The following CCDC85C variants were observed in gnomAD, a reference collection of about 807,000 sequenced individuals.
CCDC85C encodes coiled-coil domain-containing protein 85C.
In CCDC85C, 18 loss-of-function variants were observed where a neutral mutation model predicts 38.3. The ratio of observed to expected loss-of-function variants is 0.47; its 90% CI spans 0.33 to 0.70. CCDC85C has a LOEUF of 0.70. Ranked by LOEUF, CCDC85C falls within the 30% of genes least tolerant of loss-of-function variation. The pLI is 0.03. For missense variants in CCDC85C, 566 were observed against 621.2 expected (o/e 0.91, Z 0.94); for synonymous variants, 264 against 293.8 (o/e 0.90, Z 1.04).
At position 99,504,041 on chromosome 14, in the gene CCDC85C, A is replaced by G. The variant is rs932969657; in HGVS notation, c.*11205T>C. 1.1e-5 allele frequency: 4 copies of G among 371,118 alleles called. No individual in the cohort carries two copies. In the Admixed American group the frequency reaches 1.1e-4, roughly 10 times the overall value. 23.0% of individuals were successfully genotyped at this position (371,118 alleles called of 1,614,324 possible). On this transcript the variant is annotated 3_prime_UTR_variant, in exon 6 of 6. Coordinates refer to ENST00000380243, the MANE Select transcript of CCDC85C (RefSeq NM_001144995.2). ...GTAGGGGGTGGTGTGCTGCCCGGAC[A>G]GCACCAGCCCGGCCCAGCCCAGCTG... is the stretch of plus-strand genomic sequence containing the variant.
rs111754976 is a variant in CCDC85C at position 99,544,489 on chromosome 14, GGTGTGTGTGTGTGTGT to G, written c.794-8417_794-8402del. ...ATAAAAACAGGGCTAAAATTTGAAG[GGTGTGTGTGTGTGTGT>G]GTGTGTGTGTGTCTGTGTGTCTGTG... On this transcript the variant is annotated intron_variant, in intron 1 of 5. Transcript: ENST00000380243. The surrounding 1 kb of genome is among the most constrained non-coding windows in gnomAD (Gnocchi z 5.3). 6.8e-6 allele frequency among the ~76,000 whole-genome samples: 1 copy of G among 147,920 alleles called. No individual in the cohort carries two copies. The highest frequency in any genetic ancestry group is 1.5e-5 in the Non-Finnish European group (1 of 66,514).
intron 1 of CCDC85C, among the ~76,000 whole-genome samples, chr14:99,600,528 C>T (rs182940596): frequency 7.9e-5 from 12 of 152,318 alleles, no homozygotes; most frequent in Admixed American, 6.5e-4. Flanking sequence ...TTAACAGTAA[C>T]AGCAAACATG....
At position 99,578,047 on chromosome 14, in the gene CCDC85C, C is replaced by G. The variant is rs80249888; in HGVS notation, c.793+25120G>C. ...ATACAGCCCATCCTATATCCCCCATCAGAGTGTGTGTGTGTGTACACATCT... is the reference window on the plus strand; with the variant it reads ...ATACAGCCCATCCTATATCCCCCATGAGAGTGTGTGTGTGTGTACACATCT... On this transcript the variant is annotated intron_variant, in intron 1 of 5. Coordinates refer to ENST00000380243, the MANE Select transcript of CCDC85C (RefSeq NM_001144995.2). Among the ~76,000 whole-genome samples the G allele has an allele frequency of 3.3e-3, 436 of 132,112 alleles. 13 individuals are homozygous for G. Among genetic ancestry groups the G allele is most frequent in the African/African-American group, 0.013 (408 of 31,082 alleles). The allele number at this position is 132,112 out of a possible 152,430, so 86.7% of individuals were successfully genotyped here. A position where few individuals can be genotyped will look rare whatever the true frequency, so the allele number is the denominator to read the frequency against.
rs1014163768 is a variant in CCDC85C, at chr14:99,576,920, C to T, written c.793+26247G>A. ...GCCTTCAGCACAGCTCCTACCCACA[C>T]CCACTGCTGAGCTCTCCCTCGCCCC... On this transcript the variant is annotated intron_variant, in intron 1 of 5. Coordinates refer to ENST00000380243, the MANE Select transcript of CCDC85C (RefSeq NM_001144995.2). The surrounding 1 kb of genome is among the most constrained non-coding windows in gnomAD (Gnocchi z 4.8). Among the ~76,000 whole-genome samples, 1 of 151,984 alleles carries T rather than the reference C, an allele frequency of 6.6e-6. No homozygotes were observed. The highest frequency in any genetic ancestry group is 2.4e-5 in the African/African-American group (1 of 41,378).
At chr14:99,596,500 C>T (rs1566786111) in intron 1 of CCDC85C, among the ~76,000 whole-genome samples, 1 of 152,240 alleles carries the variant, frequency 6.6e-6, no homozygotes, top group Non-Finnish European at 1.5e-5. Flanking sequence ...GATCTTTCTG[C>T]TCTGCTCCCC....
rs1897585727 is a variant in CCDC85C, at chr14:99,535,841, G to C, written c.867+174C>G. Among the ~76,000 whole-genome samples, 1 of 152,188 alleles carries C rather than the reference G, an allele frequency of 6.6e-6. No homozygotes were observed. Among genetic ancestry groups the C allele is most frequent in the Non-Finnish European group, 1.5e-5 (1 of 68,034 alleles). On this transcript the variant is annotated intron_variant, in intron 2 of 5. Coordinates refer to ENST00000380243, the MANE Select transcript of CCDC85C (RefSeq NM_001144995.2). This position sits in a 1 kb window ranked among gnomAD's most constrained non-coding sequence, Gnocchi z 5.5. ...GGAAGGTTGGGCAGAGGGAAGCCCA[G>C]AGGTGTGGGAGCCAGGGTTAGGTCC...
intron 1 of CCDC85C, among the ~76,000 whole-genome samples, chr14:99,591,427 AGGCTGCCAC>A (rs369530802): frequency 4.6e-5 from 7 of 151,716 alleles, no homozygotes; most frequent in East Asian, 1.9e-4. Context: ...GGGGCTGCGG[AGGCTGCCAC>A]GGCTCCCACG....
Position 99,520,610 on chromosome 14 carries a change from G to A in CCDC85C, c.975+1523C>T, listed in dbSNP as rs924084468. Reference sequence around the variant, plus strand: ...TCCCACTCCTGGGGGCCTGCCCGCCGACCAGCCCTGATCATGGCCCCTGAA... The same window carrying A: ...TCCCACTCCTGGGGGCCTGCCCGCCAACCAGCCCTGATCATGGCCCCTGAA... On this transcript the variant is annotated intron_variant, in intron 3 of 5. Coordinates refer to ENST00000380243, the MANE Select transcript of CCDC85C (RefSeq NM_001144995.2). This position sits in a 1 kb window ranked among gnomAD's most constrained non-coding sequence, Gnocchi z 4.1. Among the ~76,000 whole-genome samples, 13 of 151,790 alleles carry A rather than the reference G, an allele frequency of 8.6e-5. No individual in the cohort carries two copies. Among genetic ancestry groups the A allele is most frequent in the Non-Finnish European group, 1.5e-4 (10 of 67,906 alleles).
chr14:99,559,288 G>T (rs116852345), intron 1 of CCDC85C, among the ~76,000 whole-genome samples: 1,791 of 152,088 alleles, frequency 0.012, 15 homozygotes, highest in Non-Finnish European at 0.018. Context: ...CCAAAAATGT[G>T]AGAGAACAAA....
At position 99,558,737 on chromosome 14, in the gene CCDC85C, G is replaced by A. The variant is rs754125909; in HGVS notation, c.794-22649C>T. Among the ~76,000 whole-genome samples the A allele has an allele frequency of 1.8e-4, 28 of 152,236 alleles. No individual in the cohort carries two copies. The highest frequency in any genetic ancestry group is 3.4e-4 in the Non-Finnish European group (23 of 68,048). ...TGGAAAGAAAGGCAGACATGGGAGA[G>A]ATGAGGCCACAAGCCAAGGAACACC... On this transcript the variant is annotated intron_variant, in intron 1 of 5. Coordinates refer to ENST00000380243, the MANE Select transcript of CCDC85C (RefSeq NM_001144995.2). The surrounding 1 kb of genome is among the most constrained non-coding windows in gnomAD (Gnocchi z 4.2).
intron 1 of CCDC85C, among the ~76,000 whole-genome samples, chr14:99,550,798 G>A (rs919448605): frequency 3.9e-5 from 6 of 152,288 alleles, no homozygotes; most frequent in South Asian, 2.1e-4. Flanking sequence ...AGGCCTGCAC[G>A]CTGCCCTCTG....
intron 3 of CCDC85C, among the ~76,000 whole-genome samples, chr14:99,521,519 C>G (rs889358012): frequency 1.3e-5 from 2 of 152,168 alleles, no homozygotes; most frequent in Non-Finnish European, 2.9e-5. Flanking sequence ...CGAGAACAGC[C>G]GATGCTTCCC....
chr14:99,594,630 G>A (rs1017323603), intron 1 of CCDC85C, among the ~76,000 whole-genome samples: 7 of 152,230 alleles, frequency 4.6e-5, no homozygotes, highest in Non-Finnish European at 1.0e-4. Context: ...AGGATGGGCA[G>A]GGGAGGCCAC....
At chr14:99,521,888 CAG>C (rs1053756224) in intron 3 of CCDC85C, among the ~76,000 whole-genome samples, 5 of 152,236 alleles carry the variant, frequency 3.3e-5, no homozygotes, top group Non-Finnish European at 7.3e-5. Context: ...CTCAGAGGGA[CAG>C]GGGCTAGGCA....
intron 1 of CCDC85C, among the ~76,000 whole-genome samples, chr14:99,567,757 G>A (rs1177363304): frequency 6.6e-6 from 1 of 152,108 alleles, no homozygotes; most frequent in African/African-American, 2.4e-5. Flanking sequence ...CTTGGGAGGA[G>A]GAGCTTGCGG....
At chr14:99,551,669 G>A (rs866711971) in intron 1 of CCDC85C, among the ~76,000 whole-genome samples, 1 of 147,818 alleles carries the variant, frequency 6.8e-6, no homozygotes, top group Non-Finnish European at 1.5e-5. Context: ...GTGAGAGGTG[G>A]GTGTGCAGGT....
chr14:99,556,463 G>C lies in CCDC85C; in HGVS notation c.794-20375C>G, dbSNP rs560682163. ...CATCATATTGGGACAAGTATTAATA[G>C]TATCAACGTTAAATGTTCTGATATT... On this transcript the variant is annotated intron_variant, in intron 1 of 5. Coordinates refer to ENST00000380243, the MANE Select transcript of CCDC85C (RefSeq NM_001144995.2). Among the ~76,000 whole-genome samples the C allele has an allele frequency of 1.0e-3, 158 of 152,290 alleles. 2 individuals carry two copies. The highest frequency in any genetic ancestry group is 3.5e-3 in the African/African-American group (145 of 41,554).
At position 99,504,210 on chromosome 14, in the gene CCDC85C, A is replaced by G. The variant is rs1896914955; in HGVS notation, c.*11036T>C. On this transcript the variant is annotated 3_prime_UTR_variant, in exon 6 of 6. Coordinates refer to ENST00000380243, the MANE Select transcript of CCDC85C (RefSeq NM_001144995.2). ...ACAATTACAAAACAGAAAGTTAGAA[A>G]TGTTTTGTCACAGGGTCAGTCCACC... 4.6e-6 allele frequency: 1 copy of G among 216,368 alleles called. No individual in the cohort carries two copies. 13.4% of individuals were successfully genotyped at this position (216,368 alleles called of 1,614,324 possible). A position where few individuals can be genotyped will look rare whatever the true frequency, so the allele number is the denominator to read the frequency against.
chr14:99,572,925 T>C lies in CCDC85C; in HGVS notation c.793+30242A>G. The C allele has an allele frequency of 2.3e-6, 1 of 426,862 alleles. No individual in the cohort carries two copies. The highest frequency in any genetic ancestry group is 4.7e-6 in the Non-Finnish European group (1 of 212,242). 26.4% of individuals were successfully genotyped at this position (426,862 alleles called of 1,614,324 possible). A position where few individuals can be genotyped will look rare whatever the true frequency, so the allele number is the denominator to read the frequency against. ...GGAGGCACGGACCTGAGGCAGCGCCTTCTCTTAGCTCTGAGCCCTGCCTTC... is the reference window on the plus strand; with the variant it reads ...GGAGGCACGGACCTGAGGCAGCGCCCTCTCTTAGCTCTGAGCCCTGCCTTC... On this transcript the variant is annotated intron_variant, in intron 1 of 5. Coordinates refer to ENST00000380243, the MANE Select transcript of CCDC85C (RefSeq NM_001144995.2). The surrounding 1 kb of genome is among the most constrained non-coding windows in gnomAD (Gnocchi z 4.4).
Sources: allele counts gnomAD v4.1 joint callset (sites outside exome capture counted in the v4.1 genomes callset), GRCh38; gene constraint gnomAD v4.1.1; non-coding constraint Gnocchi (gnomAD v3.1); transcripts MANE v1.5; gene names NCBI Gene and HGNC (gene_info 2026-07-23, HGNC 2026-07-21).